The following GALNT7 variants were observed in gnomAD, a reference collection of about 807,000 sequenced individuals.
The protein encoded by GALNT7 is polypeptide N-acetylgalactosaminyltransferase 7, also known as N-acetylgalactosaminyltransferase 7.
In GALNT7, 60 loss-of-function variants were observed where a neutral mutation model predicts 82.1. The observed-to-expected ratio is 0.73, with a 90% CI of 0.59 to 0.91. GALNT7 has a LOEUF of 0.91. Ranked by LOEUF, GALNT7 falls within the 40% of genes least tolerant of loss-of-function variation. GALNT7 has a pLI of 0.00. For missense variants in GALNT7, 660 were observed against 804.2 expected (o/e 0.82, Z 2.17); for synonymous variants, 243 against 275.1 (o/e 0.88, Z 1.15).
rs142249074 is a variant in GALNT7 at position 173,195,361 on chromosome 4, C to T, written c.126+26400C>T. ...ACTGACTGGCTCTGGGCCTAGGCTA[C>T]TTTGAAGTGCAATTCACGTTTGAAA... On this transcript the variant is annotated intron_variant, in intron 1 of 11. Transcript: ENST00000265000. Among the ~76,000 whole-genome samples the T allele has an allele frequency of 8.5e-5, 13 of 152,238 alleles. No individual in the cohort carries two copies. The East Asian group carries it at 2.5e-3, about 29-fold the overall frequency.
intron 1 of GALNT7, among the ~76,000 whole-genome samples, chr4:173,223,883 A>C (rs945567276): frequency 6.6e-6 from 1 of 152,166 alleles, no homozygotes; most frequent in African/African-American, 2.4e-5. Context: ...ATTATTGATA[A>C]AAATACTTCT....
chr4:173,224,946 C>T (rs998642265), intron 1 of GALNT7, among the ~76,000 whole-genome samples: 6 of 151,438 alleles, frequency 4.0e-5, no homozygotes, highest in Admixed American at 1.3e-4. Context: ...ACCCGGGAGG[C>T]GGAGCTTGCA....
chr4:173,169,747 G>A (rs889973222), intron 1 of GALNT7: 4 of 152,022 alleles, frequency 2.6e-5, no homozygotes, highest in African/African-American at 9.7e-5. Flanking sequence ...AGCGCCTGGG[G>A]AAGCCCCTGC....
chr4:173,203,284 G>A (rs547685495), intron 1 of GALNT7, among the ~76,000 whole-genome samples: 37 of 152,162 alleles, frequency 2.4e-4, no homozygotes, highest in African/African-American at 8.4e-4. Flanking sequence ...TAGTAGAGAC[G>A]GAGTTTCACC....
At chr4:173,253,535 A>G (rs1734920909) in intron 2 of GALNT7, among the ~76,000 whole-genome samples, 1 of 152,194 alleles carries the variant, frequency 6.6e-6, no homozygotes, top group Non-Finnish European at 1.5e-5. Flanking sequence ...GGTTAGTGGC[A>G]TTTGAGTGGG....
At chr4:173,230,049 C>A (rs905514450) in intron 1 of GALNT7, among the ~76,000 whole-genome samples, 1 of 151,996 alleles carries the variant, frequency 6.6e-6, no homozygotes, top group Admixed American at 6.6e-5. Context: ...AGAAGGGAAC[C>A]TTTTCAATAG....
At chr4:173,216,843 G>A (rs187549555) in intron 1 of GALNT7, among the ~76,000 whole-genome samples, 1,797 of 146,242 alleles carry the variant, frequency 0.012, 32 homozygotes, top group East Asian at 0.062. Flanking sequence ...TGATTCTCCT[G>A]TCTCAGCCTC....
chr4:173,244,627 A>G (rs1734551757), intron 1 of GALNT7, among the ~76,000 whole-genome samples: 1 of 152,200 alleles, frequency 6.6e-6, no homozygotes, highest in Non-Finnish European at 1.5e-5. Flanking sequence ...ATGGGATTGA[A>G]TAAGTTAATG....
rs183904465 is a variant in GALNT7 at position 173,310,772 on chromosome 4, G to A, written c.1390-3186G>A. Among the ~76,000 whole-genome samples the A allele has an allele frequency of 9.9e-5, 15 of 152,168 alleles. No individual in the cohort carries two copies. The East Asian group carries it at 2.9e-3, about 29-fold the overall frequency. On this transcript the variant is annotated intron_variant, in intron 8 of 11. Coordinates refer to ENST00000265000, the MANE Select transcript of GALNT7 (RefSeq NM_017423.3). ...TGTTTTGAGACGGAGTTTCACTCTT[G>A]TTGCCCAGGCTAGAGTGCAATGGTG...
chr4:173,275,091 C>T (rs1031998759), intron 2 of GALNT7, among the ~76,000 whole-genome samples: 8 of 152,312 alleles, frequency 5.3e-5, no homozygotes, highest in African/African-American at 1.9e-4. Flanking sequence ...GGTATCTCAA[C>T]ATGGGGAGCA....
intron 3 of GALNT7, among the ~76,000 whole-genome samples, chr4:173,293,442 A>G (rs1019015386): frequency 6.6e-6 from 1 of 152,208 alleles, no homozygotes; most frequent in South Asian, 2.1e-4. Flanking sequence ...TCTCAGTCCT[A>G]TCCTTAGTAA....
intron 2 of GALNT7, among the ~76,000 whole-genome samples, chr4:173,278,165 A>G (rs1404885714): frequency 1.3e-5 from 2 of 152,260 alleles, no homozygotes; most frequent in African/African-American, 2.4e-5. Context: ...TGGGGCTATG[A>G]AAAAGAGTCA....
chr4:173,209,656 G>C (rs534070806), intron 1 of GALNT7, among the ~76,000 whole-genome samples: 1 of 152,306 alleles, frequency 6.6e-6, no homozygotes, highest in Admixed American at 6.5e-5. Flanking sequence ...ATCTGACCCA[G>C]CCTCCATCAC....
rs1203016616 is a variant in GALNT7 at position 173,248,392 on chromosome 4, G to A, written c.539G>A (p.Ser180Asn). Residue 180 changes from serine to asparagine, a missense_variant, in exon 2 of 12, where the codon AGT (serine) becomes AAT (asparagine). Around this residue, in one of 2 missense-constraint regions of GALNT7, gnomAD observed 527 missense variants for 683.5 expected, o/e 0.77. Coordinates refer to ENST00000265000, the MANE Select transcript of GALNT7 (RefSeq NM_017423.3). ...IKEFGFNMVASDMISLDRSVN... is the reference protein window; with the variant it reads ...IKEFGFNMVANDMISLDRSVN... ...GAGTTTGGATTTAACATGGTGGCAA[G>A]TGACATGATCTCACTGGACCGCAGC... The A allele has an allele frequency of 6.2e-7, 1 of 1,613,488 alleles. No homozygotes were observed. The highest frequency in any genetic ancestry group is 1.7e-5 in the Admixed American group (1 of 60,002).
At chr4:173,309,203 T>C (rs1737281726) in intron 8 of GALNT7, among the ~76,000 whole-genome samples, 1 of 152,248 alleles carries the variant, frequency 6.6e-6, no homozygotes, top group Non-Finnish European at 1.5e-5. Context: ...CCCGGGCTTC[T>C]TTCCCAGTCA....
rs543591999 is a variant in GALNT7 at position 173,264,484 on chromosome 4, C to T, written c.587+16044C>T. On this transcript the variant is annotated intron_variant, in intron 2 of 11. Coordinates refer to ENST00000265000, the MANE Select transcript of GALNT7 (RefSeq NM_017423.3). ...TAGGGTTAGATGGGTATTGCTCTTCCGTATTATCCTCTGAGTCTCAATTTT... is the reference window on the plus strand; with the variant it reads ...TAGGGTTAGATGGGTATTGCTCTTCTGTATTATCCTCTGAGTCTCAATTTT... Among the ~76,000 whole-genome samples the T allele has an allele frequency of 5.3e-5, 8 of 152,238 alleles. No homozygotes were observed. In the South Asian group the frequency reaches 1.0e-3, roughly 20 times the overall value.
At position 173,307,702 on chromosome 4, in the gene GALNT7, G is replaced by T. The variant is rs550028506; in HGVS notation, c.1389+3584G>T. Among the ~76,000 whole-genome samples the T allele has an allele frequency of 1.8e-4, 28 of 152,330 alleles. No individual in the cohort carries two copies. In the East Asian group the frequency reaches 5.4e-3, roughly 29 times the overall value. Reference sequence around the variant, plus strand: ...AATAAAGGCGTGGCTCTGAGGCCTGGAGCATGAACGAACTATAGCAATGGT... The same window carrying T: ...AATAAAGGCGTGGCTCTGAGGCCTGTAGCATGAACGAACTATAGCAATGGT... On this transcript the variant is annotated intron_variant, in intron 8 of 11. Transcript: ENST00000265000.
chr4:173,218,680 C>T (rs927531515), intron 1 of GALNT7, among the ~76,000 whole-genome samples: 6 of 152,064 alleles, frequency 3.9e-5, no homozygotes, highest in African/African-American at 1.2e-4. Context: ...TGATAGTGTC[C>T]AGTACAAATA....
chr4:173,181,625 G>T (rs1732249290), intron 1 of GALNT7, among the ~76,000 whole-genome samples: 1 of 152,010 alleles, frequency 6.6e-6, no homozygotes, highest in Admixed American at 6.6e-5. Flanking sequence ...ATAAATGTAG[G>T]GTACGTGAAA....
Sources: gnomAD v4.1 joint callset for allele counts (sites outside exome capture counted in the v4.1 genomes callset) on GRCh38, gnomAD v4.1.1 for gene constraint, gnomAD v4.1.1 regional missense constraint, MANE v1.5 for transcripts, NCBI Gene and HGNC (gene_info 2026-07-23, HGNC 2026-07-21) for gene names.